The following PCDHA5 variants were observed in gnomAD, a reference collection of about 807,000 sequenced individuals.
The protein encoded by PCDHA5 is protocadherin alpha 5, also known as protocadherin alpha-5.
A neutral mutation model predicts 61.6 loss-of-function variants in PCDHA5; 43 were observed. The ratio of observed to expected loss-of-function variants is 0.70; its 90% CI spans 0.55 to 0.90. PCDHA5 has a LOEUF of 0.90. Among genes scored for constraint, PCDHA5 ranks in the 40% least tolerant of loss-of-function variants. The pLI, the probability that PCDHA5 is intolerant of heterozygous loss-of-function variation, is 0.00. For missense variants in PCDHA5, 1,298 were observed against 1,222.7 expected (o/e 1.06, Z -0.92); for synonymous variants, 627 against 543.9 (o/e 1.15, Z -2.13).
intron 1 of PCDHA5, among the ~76,000 whole-genome samples, chr5:140,919,099 C>T (rs972213897): frequency 4.6e-5 from 7 of 152,126 alleles, no homozygotes; most frequent in Non-Finnish European, 7.4e-5. Context: ...CTATTTCTCC[C>T]TTCATTTCTG....
chr5:140,825,871 A>G (rs2150141676), intron 1 of PCDHA5: 9 of 152,470 alleles, frequency 5.9e-5, no homozygotes, highest in African/African-American at 2.2e-4. Flanking sequence ...TGAGTTGTTT[A>G]CAAAGAGTTG....
At chr5:140,983,617 G>C (rs868994554) in intron 3 of PCDHA5, among the ~76,000 whole-genome samples, 1 of 152,228 alleles carries the variant, frequency 6.6e-6, no homozygotes, top group Admixed American at 6.5e-5. Context: ...GAGGCAGAGA[G>C]ATTAAGAAAT....
intron 3 of PCDHA5, among the ~76,000 whole-genome samples, chr5:141,003,770 T>A (rs1365152633): frequency 6.6e-6 from 1 of 152,246 alleles, no homozygotes; most frequent in East Asian, 1.9e-4. Flanking sequence ...TCGTATTCTG[T>A]TAAATAAACT....
At chr5:140,924,646 G>A (rs2081930568) in intron 1 of PCDHA5, among the ~76,000 whole-genome samples, 1 of 152,122 alleles carries the variant, frequency 6.6e-6, no homozygotes, top group Non-Finnish European at 1.5e-5. Context: ...TGTAATCCCA[G>A]CACTTTGGGA....
At chr5:140,871,679 A>G (rs2053261430) in intron 1 of PCDHA5, 2 of 1,116,800 alleles carry the variant, frequency 1.8e-6, no homozygotes, top group Admixed American at 3.1e-5. Flanking sequence ...TAATCATATG[A>G]ATAATCTGGC....
chr5:140,876,789 T>C (rs782509311), intron 1 of PCDHA5: 97 of 1,614,054 alleles, frequency 6.0e-5, no homozygotes, highest in Non-Finnish European at 7.5e-5. Context: ...GGGCCACGGC[T>C]AGAGTGTCCG....
chr5:140,855,609 T>C (rs1471221233), intron 1 of PCDHA5, among the ~76,000 whole-genome samples: 1 of 149,748 alleles, frequency 6.7e-6, no homozygotes, highest in African/African-American at 2.5e-5. Flanking sequence ...TATGCAAATA[T>C]TAAGGGCATT....
intron 1 of PCDHA5, among the ~76,000 whole-genome samples, chr5:140,919,658 T>C (rs1271844986): frequency 2.0e-5 from 3 of 152,230 alleles, no homozygotes; most frequent in Non-Finnish European, 2.9e-5. Context: ...GTTTACCATA[T>C]ATATTTTAGC....
intron 1 of PCDHA5, among the ~76,000 whole-genome samples, chr5:140,955,497 A>T (rs879951352): frequency 2.0e-5 from 3 of 152,100 alleles, no homozygotes; most frequent in Non-Finnish European, 4.4e-5. Flanking sequence ...CCACCATGTG[A>T]AGAAAGACGT....
At chr5:140,857,543 G>A (rs782244721) in intron 1 of PCDHA5, 2 of 1,597,220 alleles carry the variant, frequency 1.3e-6, no homozygotes, top group Admixed American at 3.4e-5. Context: ...GCGGCGGTTG[G>A]GCGAGCGCTC....
intron 1 of PCDHA5, among the ~76,000 whole-genome samples, chr5:140,947,275 T>C (rs246050): frequency 1.3e-5 from 2 of 151,244 alleles, no homozygotes; most frequent in Non-Finnish European, 3.0e-5. Flanking sequence ...GAAAATACTT[T>C]TTCTTTTTAT....
intron 1 of PCDHA5, chr5:140,852,246 CTT>C (rs1364833790): frequency 5.5e-6 from 3 of 546,116 alleles, no homozygotes; most frequent in Admixed American, 6.5e-5. Context: ...TTAAAACACA[CTT>C]TTGGAATATG....
chr5:140,912,635 T>G (rs1554195442), intron 1 of PCDHA5, among the ~76,000 whole-genome samples: 2 of 152,156 alleles, frequency 1.3e-5, no homozygotes, highest in Admixed American at 6.5e-5. Context: ...AGACTTTCAG[T>G]ACTATGTTGA....
At chr5:140,883,757 C>A (rs369534214) in intron 1 of PCDHA5, 175 of 1,612,790 alleles carry the variant, frequency 1.1e-4, no homozygotes, top group Non-Finnish European at 1.5e-4. Flanking sequence ...GCTGGTGGAG[C>A]GGCGGGTGGG....
chr5:140,848,406 G>T lies in PCDHA5; in HGVS notation c.2352+24279G>T, dbSNP rs2150410052. On this transcript the variant is annotated intron_variant, in intron 1 of 3. Coordinates refer to ENST00000529859, the MANE Select transcript of PCDHA5 (RefSeq NM_018908.3). ...CACTCTCTCTGTGCTGAACGATGGCGAACACAGCAGAATGGGACTGACGAA... is the reference window on the plus strand; with the variant it reads ...CACTCTCTCTGTGCTGAACGATGGCTAACACAGCAGAATGGGACTGACGAA... The T allele has an allele frequency of 2.9e-3, 3,827 of 1,338,984 alleles. 272 individuals carry two copies. The African/African-American group carries it at 0.048, about 17-fold the overall frequency. The allele number at this position is 1,338,984 out of a possible 1,614,324, so 82.9% of individuals were successfully genotyped here. A position where few individuals can be genotyped will look rare whatever the true frequency, so the allele number is the denominator to read the frequency against.
intron 1 of PCDHA5, among the ~76,000 whole-genome samples, chr5:140,913,380 T>C (rs1436602497): frequency 6.6e-6 from 1 of 152,226 alleles, no homozygotes; most frequent in Non-Finnish European, 1.5e-5. Context: ...ATATAGTGGC[T>C]CATCATAGCC....
In PCDHA5 at chr5:140,835,601, A is replaced by T. The variant is rs2150239166; in HGVS notation, c.2352+11474A>T. Reference sequence around the variant, plus strand: ...TGTCCACCTTCAAGAATTACTATTCATTGGTGCTGGACAGCGCTCTGGACC... The same window carrying T: ...TGTCCACCTTCAAGAATTACTATTCTTTGGTGCTGGACAGCGCTCTGGACC... On this transcript the variant is annotated intron_variant, in intron 1 of 3. Coordinates refer to ENST00000529859, the MANE Select transcript of PCDHA5 (RefSeq NM_018908.3). 5 of 1,613,788 alleles carry T rather than the reference A, an allele frequency of 3.1e-6. No individual in the cohort carries two copies. The African/African-American group carries it at 5.3e-5, about 17-fold the overall frequency.
intron 1 of PCDHA5, among the ~76,000 whole-genome samples, chr5:140,903,704 A>G (rs2070513598): frequency 6.6e-6 from 1 of 152,234 alleles, no homozygotes; most frequent in Admixed American, 6.5e-5. Context: ...AAATAGTAAT[A>G]AAATATACAA....
chr5:140,967,073 G>T, intron 1 of PCDHA5: 1 of 1,613,160 alleles, frequency 6.2e-7, no homozygotes, highest in Non-Finnish European at 8.5e-7. Flanking sequence ...CTTCGTCAAC[G>T]AGCGCATTGA....
Sources: gnomAD v4.1 joint callset for allele counts (sites outside exome capture counted in the v4.1 genomes callset) on GRCh38, gnomAD v4.1.1 for gene constraint, MANE v1.5 for transcripts, NCBI Gene and HGNC (gene_info 2026-07-23, HGNC 2026-07-21) for gene names.